VIT: variants seen among roughly 807,000 people sequenced by gnomAD.
VIT encodes vitrin.
A neutral mutation model predicts 78.0 loss-of-function variants in VIT; 99 were observed. The ratio of observed to expected loss-of-function variants is 1.27; its 90% CI spans 1.08 to 1.50. VIT has a LOEUF of 1.50. Ranked by LOEUF, VIT falls within the 40% of genes most tolerant of loss-of-function variation. The probability of loss-of-function intolerance (pLI) is 0.00; values close to 1 mark genes in which losing one functional copy is unlikely to be tolerated. For missense variants in VIT, 1,126 were observed against 875.3 expected (o/e 1.29, Z -3.61); for synonymous variants, 374 against 334.3 (o/e 1.12, Z -1.29).
At chr2:36,813,406 A>T (rs993182382) in intron 15 of VIT, among the ~76,000 whole-genome samples, 1 of 152,084 alleles carries the variant, frequency 6.6e-6, no homozygotes, top group Non-Finnish European at 1.5e-5. Flanking sequence ...TGGAGGTCAC[A>T]CCATTGCACT....
chr2:36,700,810 G>T (rs66699020), intron 1 of VIT, among the ~76,000 whole-genome samples: 51,761 of 151,714 alleles, frequency 0.34, 9,768 homozygotes, highest in Middle Eastern at 0.51. Flanking sequence ...CACTGTTCAA[G>T]CCCTTTTCAT....
chr2:36,708,197 G>A (rs374219592), intron 1 of VIT, among the ~76,000 whole-genome samples: 18 of 150,180 alleles, frequency 1.2e-4, no homozygotes, highest in African/African-American at 4.2e-4. Context: ...GAGGCTTTAC[G>A]GTCAGGCAGA....
intron 4 of VIT, among the ~76,000 whole-genome samples, chr2:36,754,719 G>C (rs1668659645): frequency 6.6e-6 from 1 of 152,118 alleles, no homozygotes; most frequent in African/African-American, 2.4e-5. Flanking sequence ...GAAAGAGAAG[G>C]ACATTGACCC....
chr2:36,771,550 G>GAAAAAA (rs34430618), intron 7 of VIT, among the ~76,000 whole-genome samples: 5 of 132,116 alleles, frequency 3.8e-5, no homozygotes, highest in Admixed American at 7.5e-5. Flanking sequence ...AAAAGAAAAA[G>GAAAAAA]AAAAAAAAAA....
chr2:36,726,946 CT>C (rs1666893438), intron 2 of VIT, among the ~76,000 whole-genome samples: 1 of 151,244 alleles, frequency 6.6e-6, no homozygotes, highest in Admixed American at 6.6e-5. Flanking sequence ...TCTATTTCAT[CT>C]TATGTGCTTG....
At chr2:36,742,472 T>C (rs938644260) in intron 3 of VIT, among the ~76,000 whole-genome samples, 1 of 152,108 alleles carries the variant, frequency 6.6e-6, no homozygotes, top group Admixed American at 6.5e-5. Flanking sequence ...GCCTAGAGGA[T>C]CCTCTAGGAC....
intron 15 of VIT, among the ~76,000 whole-genome samples, chr2:36,810,320 G>A (rs1384685327): frequency 2.0e-5 from 3 of 152,300 alleles, no homozygotes; most frequent in African/African-American, 7.2e-5. Context: ...AAAGAGCTAT[G>A]TCCACATAAA....
chr2:36,769,596 T>C lies in VIT; in HGVS notation c.679+2311T>C, dbSNP rs1381139867. 2.6e-5 allele frequency among the ~76,000 whole-genome samples: 4 copies of C among 152,226 alleles called. No homozygotes were observed. In the East Asian group the frequency reaches 5.8e-4, roughly 22 times the overall value. ...GGGGAGAGCTTTTTAAAAGTTGTAT[T>C]GCCTATTCAAAGGAGTTTCTGAAGG... On this transcript the variant is annotated intron_variant, in intron 7 of 15. Coordinates refer to ENST00000379242, the MANE Select transcript of VIT (RefSeq NM_053276.4).
intron 1 of VIT, among the ~76,000 whole-genome samples, chr2:36,706,408 A>G (rs1012756777): frequency 1.3e-5 from 2 of 152,180 alleles, no homozygotes; most frequent in South Asian, 4.1e-4. Flanking sequence ...CAAAAACATC[A>G]ATATCATGCA....
chr2:36,812,704 C>T (rs1024191937), intron 15 of VIT, among the ~76,000 whole-genome samples: 1 of 152,260 alleles, frequency 6.6e-6, no homozygotes, highest in East Asian at 1.9e-4. Flanking sequence ...TACTGACTCC[C>T]TTTCACAGCC....
At chr2:36,763,300 G>A (rs1252290368) in intron 6 of VIT, among the ~76,000 whole-genome samples, 1 of 152,106 alleles carries the variant, frequency 6.6e-6, no homozygotes, top group Non-Finnish European at 1.5e-5. Flanking sequence ...TGCTATGTTT[G>A]AGAAGGTGGC....
intron 1 of VIT, among the ~76,000 whole-genome samples, chr2:36,712,183 A>C (rs1345288519): frequency 6.6e-6 from 1 of 152,122 alleles, no homozygotes; most frequent in African/African-American, 2.4e-5. Flanking sequence ...AGGCACATTT[A>C]CATTTTAAGT....
intron 2 of VIT, among the ~76,000 whole-genome samples, chr2:36,718,291 G>A (rs1666289341): frequency 6.6e-6 from 1 of 152,112 alleles, no homozygotes; most frequent in Admixed American, 6.5e-5. Flanking sequence ...GCAGAACTGG[G>A]GACTGGAAGA....
chr2:36,715,816 A>C (rs1405952596), intron 1 of VIT, among the ~76,000 whole-genome samples: 1 of 152,188 alleles, frequency 6.6e-6, no homozygotes, highest in Non-Finnish European at 1.5e-5. Flanking sequence ...ACATTCTCTT[A>C]TGCAATTTAA....
chr2:36,716,452 C>G, intron 2 of VIT, 30 bp downstream of exon 2: 1 of 1,608,668 alleles, frequency 6.2e-7, no homozygotes, highest in Non-Finnish European at 8.5e-7. Context: ...TATCTGGATA[C>G]CCTTTTAAAA....
chr2:36,793,680 T>C (rs1230670481), intron 12 of VIT, among the ~76,000 whole-genome samples: 1 of 151,410 alleles, frequency 6.6e-6, no homozygotes, highest in East Asian at 2.0e-4. Context: ...AATAGTTATG[T>C]TATTTGATTG....
chr2:36,779,790 A>C (rs1664616003), intron 9 of VIT, among the ~76,000 whole-genome samples: 1 of 152,242 alleles, frequency 6.6e-6, no homozygotes, highest in African/African-American at 2.4e-5. Flanking sequence ...CAAAAACACA[A>C]AAATAATTCC....
At chr2:36,702,214 G>C (rs573033986) in intron 1 of VIT, among the ~76,000 whole-genome samples, 8 of 152,198 alleles carry the variant, frequency 5.3e-5, no homozygotes, top group African/African-American at 1.9e-4. Context: ...TGCTTGGGAG[G>C]CCAGTGTGTC....
In VIT at chr2:36,814,382, C is replaced by T. The variant is rs1222894329; in HGVS notation, c.*21C>T. ...ACTGAATTCAGAGCAGGCAGAGCAC[C>T]AGCAAGTGCTGCTTTACTAACTGAC... On this transcript the variant is annotated 3_prime_UTR_variant, in exon 16 of 16. Transcript: ENST00000379242. 1 of 1,612,538 alleles carries T rather than the reference C, an allele frequency of 6.2e-7. No individual in the cohort carries two copies. Among genetic ancestry groups the T allele is most frequent in the South Asian group, 1.1e-5 (1 of 90,940 alleles).
Sources: gnomAD v4.1 joint callset for allele counts (sites outside exome capture counted in the v4.1 genomes callset) on GRCh38, gnomAD v4.1.1 for gene constraint, MANE v1.5 for transcripts, NCBI Gene and HGNC (gene_info 2026-07-23, HGNC 2026-07-21) for gene names.